SNED1: variants seen among roughly 807,000 people sequenced by gnomAD.
SNED1 encodes sushi, nidogen and EGF like domains 1, also known as sushi, nidogen and EGF-like domain-containing protein 1.
In SNED1, 81 loss-of-function variants were observed where a neutral mutation model predicts 166.7. That is an observed-to-expected ratio of 0.49 (90% confidence interval 0.41 to 0.58). The LOEUF (loss-of-function observed/expected upper bound fraction) is 0.58, where lower values mean the gene tolerates loss of function less well. Ranked by LOEUF, SNED1 falls within the 20% of genes least tolerant of loss-of-function variation. SNED1 has a pLI of 0.00. For missense variants in SNED1, 1,604 were observed against 2,000.2 expected (o/e 0.80, Z 3.78); for synonymous variants, 762 against 822.0 (o/e 0.93, Z 1.25).
At chr2:241,053,118 C>A in intron 15 of SNED1, 35 bp from the exon 16 acceptor site, 3 of 1,588,608 alleles carry the variant, frequency 1.9e-6, no homozygotes, top group Admixed American at 1.8e-5. Context: ...CAGGAAGGCA[C>A]AGGACCGTGC....
At chr2:241,035,839 G>C (rs1305779723) in intron 4 of SNED1, among the ~76,000 whole-genome samples, 18 of 133,504 alleles carry the variant, frequency 1.3e-4, no homozygotes, top group African/African-American at 4.9e-4. Flanking sequence ...GGGTGCAGGC[G>C]CGCCACAGGG....
intron 16 of SNED1, among the ~76,000 whole-genome samples, chr2:241,061,735 AT>A (rs2062236847): frequency 6.6e-6 from 1 of 151,932 alleles, no homozygotes; most frequent in African/African-American, 2.4e-5. Context: ...AAATACAAAA[AT>A]TAGTCGGGCA....
intron 26 of SNED1, chr2:241,072,145 G>A (rs1340965394): frequency 2.9e-6 from 2 of 686,542 alleles, no homozygotes; most frequent in Non-Finnish European, 5.3e-6. Context: ...CGCAAGAGAA[G>A]ATAAACATTT....
chr2:241,003,926 A>T (rs2060144493), intron 1 of SNED1, among the ~76,000 whole-genome samples: 1 of 152,260 alleles, frequency 6.6e-6, no homozygotes, highest in Admixed American at 6.5e-5. Context: ...TCTGCCTTCT[A>T]ACATCTCTGG....
intron 1 of SNED1, among the ~76,000 whole-genome samples, chr2:241,016,977 C>T (rs4129023): frequency 0.29 from 43,808 of 151,284 alleles, 6,670 homozygotes; most frequent in Non-Finnish European, 0.35. Context: ...CTCAGCCTCC[C>T]GAGTAGCTGG....
intron 8 of SNED1, among the ~76,000 whole-genome samples, chr2:241,048,058 C>G (rs1175965704): frequency 8.2e-6 from 1 of 122,286 alleles, no homozygotes. Context: ...GTGGTCTCTC[C>G]GGTGCTTCTT....
intron 6 of SNED1, among the ~76,000 whole-genome samples, chr2:241,038,046 A>C (rs2061426112): frequency 1.4e-4 from 20 of 146,776 alleles, no homozygotes; most frequent in South Asian, 2.2e-4. Flanking sequence ...CATGCCCTTC[A>C]CCCACCTGGT....
At chr2:241,048,868 C>A in intron 10 of SNED1, 102 bp downstream of exon 10, 1 of 1,213,184 alleles carries the variant, frequency 8.2e-7, no homozygotes, top group Non-Finnish European at 1.2e-6. Flanking sequence ...GACTGTCGAC[C>A]ATTGGTTCTA....
At chr2:241,017,871 T>A (rs2060644924) in intron 1 of SNED1, among the ~76,000 whole-genome samples, 1 of 152,194 alleles carries the variant, frequency 6.6e-6, no homozygotes, top group African/African-American at 2.4e-5. Flanking sequence ...CTGTGGCCCA[T>A]GCAAGGAGTT....
intron 29 of SNED1, among the ~76,000 whole-genome samples, chr2:241,083,416 GAGC>G (rs1336044349): frequency 2.2e-4 from 34 of 152,290 alleles, no homozygotes; most frequent in African/African-American, 7.2e-4. Context: ...GAAGGGTTCT[GAGC>G]AGAAGAGTGA....
At chr2:241,050,849 C>T (rs901902700) in intron 12 of SNED1, among the ~76,000 whole-genome samples, 1 of 152,200 alleles carries the variant, frequency 6.6e-6, no homozygotes, top group African/African-American at 2.4e-5. Context: ...CTACCAGAGC[C>T]CACATCTCCT....
upstream of SNED1, among the ~76,000 whole-genome samples, chr2:240,998,413 C>T (rs1015163090): frequency 1.3e-5 from 2 of 152,208 alleles, no homozygotes; most frequent in Admixed American, 6.5e-5. Context: ...AGGGTAGGGA[C>T]CCAGGGCGGA....
chr2:241,068,840 G>A lies in SNED1; in HGVS notation c.3195-71G>A. On this transcript the variant is annotated intron_variant, in intron 22 of 31. Transcript: ENST00000310397. This position sits in a 1 kb window ranked among gnomAD's most constrained non-coding sequence, Gnocchi z 5.3. ...CAGTCACCTCCTGCCTGGGGGAGCT[G>A]CGGTCTGGCAGCAGAGTCACACACA... The A allele has an allele frequency of 9.1e-7, 1 of 1,097,250 alleles. No homozygotes were observed. The highest frequency in any genetic ancestry group is 1.5e-5 in the South Asian group (1 of 65,092). The allele number at this position is 1,097,250 out of a possible 1,614,324, so 68.0% of individuals were successfully genotyped here.
Position 241,036,649 on chromosome 2 carries a change from T to G in SNED1, c.806-141T>G. The G allele has an allele frequency of 4.6e-6, 5 of 1,088,682 alleles. No homozygotes were observed. The South Asian group carries it at 7.4e-5, about 16-fold the overall frequency. The allele number at this position is 1,088,682 out of a possible 1,614,324, so 67.4% of individuals were successfully genotyped here. ...CCGACCTAAAGTGAAACCTGAAACCTGGCTGCTTTGCTGCGGTCACCCGGG... is the reference window on the plus strand; with the variant it reads ...CCGACCTAAAGTGAAACCTGAAACCGGGCTGCTTTGCTGCGGTCACCCGGG... On this transcript the variant is annotated intron_variant, in intron 4 of 31. Transcript: ENST00000310397.
intron 1 of SNED1, among the ~76,000 whole-genome samples, chr2:241,028,113 C>T (rs981065755): frequency 6.6e-6 from 1 of 152,010 alleles, no homozygotes; most frequent in African/African-American, 2.4e-5. Flanking sequence ...CTGTTCAAGT[C>T]CTTTCTCATT....
At chr2:241,090,807 C>T (rs2063910624) in intron 31 of SNED1, among the ~76,000 whole-genome samples, 1 of 150,314 alleles carries the variant, frequency 6.7e-6, no homozygotes. Context: ...GCAGAGGTTG[C>T]AGTGGGCTGA....
intron 1 of SNED1, among the ~76,000 whole-genome samples, chr2:241,027,934 C>T (rs1180538370): frequency 1.3e-5 from 2 of 152,064 alleles, no homozygotes; most frequent in Non-Finnish European, 2.9e-5. Flanking sequence ...AGGGTTTCAC[C>T]ATGTTAGCCA....
chr2:241,095,058 A>AAGCCCCC lies in SNED1; in HGVS notation c.*3422_*3423insAGCCCCC, dbSNP rs1444807098. On this transcript the variant is annotated 3_prime_UTR_variant, in exon 32 of 32. Coordinates refer to ENST00000310397, the MANE Select transcript of SNED1 (RefSeq NM_001080437.3). ...GACTCATTGAGTTCCCTAAGGTGACACGCCCCCCCCCCCCCCCACACCCAC... is the reference window on the plus strand; with the variant it reads ...GACTCATTGAGTTCCCTAAGGTGACAAGCCCCCCGCCCCCCCCCCCCCCCACACCCAC... 5 of 47,968 alleles carry AAGCCCCC rather than the reference A, an allele frequency of 1.0e-4. No individual in the cohort carries two copies. Among genetic ancestry groups the AAGCCCCC allele is most frequent in the African/African-American group, 2.9e-4 (2 of 6,838 alleles). 3.0% of individuals were successfully genotyped at this position (47,968 alleles called of 1,614,324 possible). A position where few individuals can be genotyped will look rare whatever the true frequency, so the allele number is the denominator to read the frequency against.
At chr2:241,063,347 G>A (rs1000830638) in intron 17 of SNED1, 45 of 555,308 alleles carry the variant, frequency 8.1e-5, no homozygotes, top group Non-Finnish European at 1.3e-4. Flanking sequence ...CTCCCATTGC[G>A]GAGTGGCCTG....
Sources: allele counts gnomAD v4.1 joint callset (sites outside exome capture counted in the v4.1 genomes callset), GRCh38; gene constraint gnomAD v4.1.1; non-coding constraint Gnocchi (gnomAD v3.1); transcripts MANE v1.5; gene names NCBI Gene and HGNC (gene_info 2026-07-23, HGNC 2026-07-21).